Variants in RERE observed in about 807,000 individuals in gnomAD.
RERE encodes the protein arginine-glutamic acid dipeptide repeats.
In RERE, 40 loss-of-function variants were observed where a neutral mutation model predicts 146.1. The observed-to-expected ratio is 0.27, with a 90% CI of 0.21 to 0.36. The LOEUF (loss-of-function observed/expected upper bound fraction) is 0.36, where lower values mean the gene tolerates loss of function less well. Among genes scored for constraint, RERE ranks in the 10% least tolerant of loss-of-function variants. The probability of loss-of-function intolerance (pLI) is 1.00; values close to 1 mark genes in which losing one functional copy is unlikely to be tolerated. For synonymous variants in RERE, 1,003 were observed against 866.0 expected (o/e 1.16, Z -2.78); for missense variants, 1,933 against 2,138.7 (o/e 0.90, Z 1.90).
intron 4 of RERE, among the ~76,000 whole-genome samples, chr1:8,579,159 T>G (rs1442456522): frequency 6.6e-6 from 1 of 152,198 alleles, no homozygotes; most frequent in East Asian, 1.9e-4. Context: ...TTAGCACAAG[T>G]TAAATTTCAT....
At chr1:8,510,903 G>GA (rs1462718811) in intron 7 of RERE, among the ~76,000 whole-genome samples, 3 of 152,034 alleles carry the variant, frequency 2.0e-5, no homozygotes, top group African/African-American at 7.2e-5. Context: ...GATAATTCCA[G>GA]AAAAAACATT....
At chr1:8,647,622 G>A (rs1647378146) in intron 2 of RERE, among the ~76,000 whole-genome samples, 1 of 143,870 alleles carries the variant, frequency 7.0e-6, no homozygotes, top group Non-Finnish European at 1.5e-5. Flanking sequence ...GATCAAATGA[G>A]CTTCTATTTA....
At chr1:8,387,062 T>TAGGG (rs373151845) in intron 12 of RERE, among the ~76,000 whole-genome samples, 110 of 152,258 alleles carry the variant, frequency 7.2e-4, no homozygotes, top group South Asian at 2.9e-3. Context: ...AAGAAAAAGG[T>TAGGG]AGGGGACCTG....
intron 1 of RERE, among the ~76,000 whole-genome samples, chr1:8,805,408 G>A (rs1641670541): frequency 6.6e-6 from 1 of 151,998 alleles, no homozygotes; most frequent in African/African-American, 2.4e-5. Context: ...CAGCACTTTG[G>A]GAGGCTGAGG....
intron 6 of RERE, among the ~76,000 whole-genome samples, chr1:8,553,323 C>T (rs1039724814): frequency 1.2e-4 from 18 of 151,640 alleles, no homozygotes; most frequent in African/African-American, 3.9e-4. Flanking sequence ...TCCACACACT[C>T]ATGCAAAATT....
At chr1:8,438,532 A>G (rs1442540729) in intron 11 of RERE, among the ~76,000 whole-genome samples, 1 of 152,208 alleles carries the variant, frequency 6.6e-6, no homozygotes, top group Non-Finnish European at 1.5e-5. Flanking sequence ...TTTTTCAGCT[A>G]ATTTTGAAAA....
At chr1:8,545,146 C>T (rs1645842814) in intron 6 of RERE, among the ~76,000 whole-genome samples, 1 of 152,208 alleles carries the variant, frequency 6.6e-6, no homozygotes, top group Non-Finnish European at 1.5e-5. Flanking sequence ...TCACATCCAC[C>T]TTGCTGAAAT....
intron 4 of RERE, among the ~76,000 whole-genome samples, chr1:8,560,887 T>C (rs1431923437): frequency 6.6e-6 from 1 of 152,102 alleles, no homozygotes; most frequent in East Asian, 1.9e-4. Context: ...CATACAGGAG[T>C]CCAGATCTAC....
intron 1 of RERE, chr1:8,792,690 TCA>T (rs1641383866): frequency 6.6e-6 from 1 of 152,204 alleles, no homozygotes; most frequent in South Asian, 2.1e-4. Flanking sequence ...AAAACAGGTG[TCA>T]CAGACAAGCT....
intron 1 of RERE, among the ~76,000 whole-genome samples, chr1:8,703,618 C>G (rs1050784274): frequency 1.3e-5 from 2 of 152,232 alleles, no homozygotes; most frequent in Non-Finnish European, 2.9e-5. Flanking sequence ...GAACTGGGAG[C>G]CTGCGTGATT....
intron 10 of RERE, 27 bp downstream of exon 10, chr1:8,495,024 GAAGTGTCTTCCC>G (rs1421257155): frequency 5.0e-6 from 7 of 1,405,734 alleles, no homozygotes; most frequent in Non-Finnish European, 1.0e-6. Context: ...AGGGGAAAAA[GAAGTGTCTTCCC>G]ACTCAGGGTG....
chr1:8,438,428 T>C (rs1250224503), intron 11 of RERE, among the ~76,000 whole-genome samples: 2 of 152,256 alleles, frequency 1.3e-5, no homozygotes, highest in Non-Finnish European at 2.9e-5. Context: ...ATTTTCAAAA[T>C]GTTTTCATAA....
At chr1:8,674,602 T>C (rs1164041194) in intron 1 of RERE, among the ~76,000 whole-genome samples, 1 of 152,184 alleles carries the variant, frequency 6.6e-6, no homozygotes. Flanking sequence ...TCTCATATAG[T>C]GTAAAATAAA....
intron 1 of RERE, among the ~76,000 whole-genome samples, chr1:8,699,775 G>A (rs1221111457): frequency 6.6e-6 from 1 of 152,052 alleles, no homozygotes. Context: ...CTTCATTCCA[G>A]GTTGTCTGAA....
chr1:8,651,769 A>C (rs1182283300), intron 2 of RERE, among the ~76,000 whole-genome samples: 1 of 151,656 alleles, frequency 6.6e-6, no homozygotes, highest in Non-Finnish European at 1.5e-5. Context: ...GAAAGAAAAA[A>C]CTCAACCCCC....
intron 8 of RERE, among the ~76,000 whole-genome samples, chr1:8,502,317 G>T (rs1345031588): frequency 3.7e-5 from 4 of 107,446 alleles, no homozygotes; most frequent in African/African-American, 1.5e-4. Flanking sequence ...CTGGCGAGCC[G>T]CCCCGTCCGG....
intron 10 of RERE, among the ~76,000 whole-genome samples, chr1:8,478,453 C>T (rs544862649): frequency 1.3e-5 from 2 of 152,334 alleles, no homozygotes; most frequent in Non-Finnish European, 2.9e-5. Context: ...CTGGAATACA[C>T]AGCCCAACAA....
chr1:8,669,775 G>T (rs1303332741), intron 1 of RERE, among the ~76,000 whole-genome samples: 1 of 152,126 alleles, frequency 6.6e-6, no homozygotes. Context: ...GTTGGACAGG[G>T]TTTCTTTCAG....
chr1:8,807,797 T>C (rs998545793), intron 1 of RERE, among the ~76,000 whole-genome samples: 8 of 152,136 alleles, frequency 5.3e-5, no homozygotes, highest in African/African-American at 1.9e-4. Context: ...TGCAAAGCCA[T>C]CAACCAAAGA....
Sources: allele counts gnomAD v4.1 joint callset (sites outside exome capture counted in the v4.1 genomes callset), GRCh38; gene constraint gnomAD v4.1.1; transcripts MANE v1.5; gene names NCBI Gene and HGNC (gene_info 2026-07-23, HGNC 2026-07-21).